The following CSMD3 variants were observed in gnomAD, a reference collection of about 807,000 sequenced individuals.
CSMD3 encodes CUB and Sushi multiple domains 3, also known as CUB and sushi domain-containing protein 3.
A neutral mutation model predicts 435.2 loss-of-function variants in CSMD3; 177 were observed. The ratio of observed to expected loss-of-function variants is 0.41; its 90% CI spans 0.36 to 0.46. The LOEUF (loss-of-function observed/expected upper bound fraction) is 0.46. CSMD3 is among the 20% of genes least tolerant of loss of function. CSMD3 has a pLI of 0.34. For synonymous variants in CSMD3, 1,656 were observed against 1,520.5 expected (o/e 1.09, Z -2.07); for missense variants, 4,265 against 4,504.6 (o/e 0.95, Z 1.52).
intron 1 of CSMD3, among the ~76,000 whole-genome samples, chr8:113,413,349 G>C (rs1430820067): frequency 6.6e-6 from 1 of 151,922 alleles, no homozygotes; most frequent in Non-Finnish European, 1.5e-5. Context: ...CTTGAGAAAA[G>C]TCACTGGATC....
intron 5 of CSMD3, among the ~76,000 whole-genome samples, chr8:113,030,027 A>G (rs776364957): frequency 2.0e-5 from 3 of 151,492 alleles, no homozygotes; most frequent in Non-Finnish European, 4.4e-5. Flanking sequence ...CTTTTATAAT[A>G]GCTGCAAAAA....
intron 8 of CSMD3, among the ~76,000 whole-genome samples, chr8:112,950,605 T>C (rs1474209628): frequency 6.6e-6 from 1 of 151,990 alleles, no homozygotes; most frequent in African/African-American, 2.4e-5. Flanking sequence ...ATACTTTATG[T>C]GTATTACCCC....
In CSMD3 at chr8:113,348,597, G is replaced by A. The variant is rs536384744; in HGVS notation, c.179-33804C>T. Among the ~76,000 whole-genome samples, 9 of 152,158 alleles carry A rather than the reference G, an allele frequency of 5.9e-5. No individual in the cohort carries two copies. The South Asian group carries it at 1.9e-3, about 32-fold the overall frequency. Reference sequence around the variant, plus strand: ...TCAATCCTGGAGATCAAGGAAGCAGGTATGCATGTGGGAGGGACAGGTGGG... The same window carrying A: ...TCAATCCTGGAGATCAAGGAAGCAGATATGCATGTGGGAGGGACAGGTGGG... On this transcript the variant is annotated intron_variant, in intron 1 of 70. Transcript: ENST00000297405.
intron 35 of CSMD3, among the ~76,000 whole-genome samples, chr8:112,391,063 T>A (rs972597816): frequency 6.6e-6 from 1 of 152,206 alleles, no homozygotes; most frequent in Non-Finnish European, 1.5e-5. Flanking sequence ...ATTATATTAC[T>A]AAAACACGCA....
chr8:112,271,865 A>G (rs1817557479), intron 59 of CSMD3, among the ~76,000 whole-genome samples: 1 of 152,218 alleles, frequency 6.6e-6, no homozygotes. Context: ...TTCAAAATTC[A>G]TGTGCTAATT....
At chr8:112,612,709 CTTTTT>C (rs532290154) in intron 22 of CSMD3, among the ~76,000 whole-genome samples, 696 of 65,846 alleles carry the variant, frequency 0.011, 2 homozygotes, top group African/African-American at 0.031. Context: ...TTTCTTTGTT[CTTTTT>C]TTTTTTTTTT....
intron 32 of CSMD3, among the ~76,000 whole-genome samples, chr8:112,455,816 C>T (rs1441207429): frequency 6.6e-6 from 1 of 151,574 alleles, no homozygotes; most frequent in East Asian, 1.9e-4. Flanking sequence ...AGTGGGAAAA[C>T]TGTCTCATGG....
At chr8:112,717,107 G>T (rs1441950313) in intron 13 of CSMD3, among the ~76,000 whole-genome samples, 1 of 151,884 alleles carries the variant, frequency 6.6e-6, no homozygotes, top group Admixed American at 6.6e-5. Context: ...CACAGCAAAA[G>T]AAACTATCAT....
chr8:112,728,993 T>G (rs984133592), intron 13 of CSMD3, among the ~76,000 whole-genome samples: 1 of 152,066 alleles, frequency 6.6e-6, no homozygotes, highest in African/African-American at 2.4e-5. Flanking sequence ...ATATATATTT[T>G]ACATAGTACA....
At chr8:112,772,442 C>T (rs939372939) in intron 13 of CSMD3, among the ~76,000 whole-genome samples, 2 of 152,072 alleles carry the variant, frequency 1.3e-5, no homozygotes, top group African/African-American at 4.8e-5. Context: ...TCCCTAATCT[C>T]AAGTACGCAG....
At chr8:113,383,577 A>G (rs1248116297) in intron 1 of CSMD3, among the ~76,000 whole-genome samples, 4 of 152,140 alleles carry the variant, frequency 2.6e-5, no homozygotes, top group Admixed American at 6.5e-5. Flanking sequence ...TAAAGTTTGG[A>G]GAGACACAAT....
At chr8:112,957,900 C>T (rs1354042897) in intron 7 of CSMD3, among the ~76,000 whole-genome samples, 5 of 151,884 alleles carry the variant, frequency 3.3e-5, no homozygotes, top group Admixed American at 6.6e-5. Flanking sequence ...CGCGCACCAC[C>T]GCGCCCAGAT....
At chr8:113,377,200 G>T (rs2094391189) in intron 1 of CSMD3, 2 of 1,128,828 alleles carry the variant, frequency 1.8e-6, no homozygotes, top group Non-Finnish European at 2.2e-6. Flanking sequence ...ATGGCCGGAA[G>T]TTCGAGCGCG....
rs1813380058 is a variant in CSMD3 at position 112,234,436 on chromosome 8, A to G, written c.10669T>C (p.Tyr3557His). The change falls in exon 68 of 71, where the codon TAT becomes CAT. Residue 3557 changes from tyrosine (Y) to histidine (H), a missense_variant. Physicochemically the swap from Tyr to His is moderately conservative, Grantham distance 83. Coordinates refer to ENST00000297405, the MANE Select transcript of CSMD3 (RefSeq NM_198123.2). ...GCATGAGCAGGTACTTTAATAAGAT[A>G]TATGCGTAACATTAGGCGAGCTTCC... is the stretch of plus-strand genomic sequence containing the variant. ...SQEARLMLRIYLIKVPAHASV... is the reference protein window; with the variant it reads ...SQEARLMLRIHLIKVPAHASV... The G allele has an allele frequency of 1.9e-6, 3 of 1,613,496 alleles. No individual in the cohort carries two copies. The highest frequency in any genetic ancestry group is 2.5e-6 in the Non-Finnish European group (3 of 1,179,688).
chr8:113,314,899 C>A (rs2093897581), intron 1 of CSMD3, 106 bp from the exon 2 acceptor site: 1 of 744,672 alleles, frequency 1.3e-6, no homozygotes, highest in Non-Finnish European at 2.2e-6. Flanking sequence ...CCAAAGTTAA[C>A]AATAATTTTA....
chr8:112,870,710 A>G (rs576769062), intron 10 of CSMD3, among the ~76,000 whole-genome samples: 1 of 152,326 alleles, frequency 6.6e-6, no homozygotes, highest in Admixed American at 6.5e-5. Context: ...AAAATCACGA[A>G]TCACACAAAT....
intron 45 of CSMD3, among the ~76,000 whole-genome samples, chr8:112,334,076 G>A (rs565570967): frequency 5.3e-5 from 8 of 152,072 alleles, no homozygotes; most frequent in South Asian, 4.2e-4. Context: ...AAAAACAGCC[G>A]GAATAAAAGT....
Position 112,408,306 on chromosome 8 carries a change from AG to A in CSMD3, c.5605+11del. 1 of 1,498,094 alleles carries A rather than the reference AG, an allele frequency of 6.7e-7. No individual in the cohort carries two copies. Among genetic ancestry groups the A allele is most frequent in the Non-Finnish European group, 9.3e-7 (1 of 1,074,568 alleles). 92.8% of individuals were successfully genotyped at this position (1,498,094 alleles called of 1,614,324 possible). On this transcript the variant is annotated intron_variant, in intron 34 of 70. Coordinates refer to ENST00000297405, the MANE Select transcript of CSMD3 (RefSeq NM_198123.2). ...ATTCCTTAGTGTGTTTCTAGACTAC[AG>A]GGTCACTTACCTTGGTAAACAAAGT...
At position 112,503,981 on chromosome 8, in the gene CSMD3, A is replaced by AG; in HGVS notation, c.4896-5_4896-4insC. The AG allele has an allele frequency of 7.1e-7, 1 of 1,402,994 alleles. No individual in the cohort carries two copies. Among genetic ancestry groups the AG allele is most frequent in the Non-Finnish European group, 9.8e-7 (1 of 1,017,162 alleles). 86.9% of individuals were successfully genotyped at this position (1,402,994 alleles called of 1,614,324 possible). ...ATAGTTTGGTTCTATGCTAAAACTG[A>AG]AAAAAAAAAGGAAAGAACAAAAGAA... On this transcript the variant is annotated splice_polypyrimidine_tract_variant and splice_region_variant and intron_variant, in intron 29 of 70. Transcript: ENST00000297405.
Sources: gnomAD v4.1 joint callset for allele counts (sites outside exome capture counted in the v4.1 genomes callset) on GRCh38, gnomAD v4.1.1 for gene constraint, MANE v1.5 for transcripts, NCBI Gene and HGNC (gene_info 2026-07-23, HGNC 2026-07-21) for gene names.